The following SP110 variants were observed in gnomAD, a reference collection of about 807,000 sequenced individuals.
SP110 encodes interferon-induced protein 41, 30kD.
A neutral mutation model predicts 92.7 loss-of-function variants in SP110; 62 were observed. That is an observed-to-expected ratio of 0.67 (90% CI 0.55 to 0.83). The LOEUF (loss-of-function observed/expected upper bound fraction) is 0.83, where lower values mean the gene tolerates loss of function less well. SP110 is among the 40% of genes least tolerant of loss of function. The pLI is 0.00. For missense variants in SP110, 793 were observed against 863.9 expected (o/e 0.92, Z 1.03); for synonymous variants, 273 against 305.3 (o/e 0.89, Z 1.10).
In SP110 at chr2:230,211,928, A is replaced by G. The variant is rs1214148368; in HGVS notation, c.668-375T>C. On this transcript the variant is annotated intron_variant, in intron 5 of 18. Coordinates refer to ENST00000258381, the MANE Select transcript of SP110 (RefSeq NM_080424.4). The surrounding 1 kb of genome is among the most constrained non-coding windows in gnomAD (Gnocchi z 4.2). ...TTTAATGTAATCAAACTCCATTATGATGATGGTTTGGGGAGGACAAGTGAT... is the reference window on the plus strand; with the variant it reads ...TTTAATGTAATCAAACTCCATTATGGTGATGGTTTGGGGAGGACAAGTGAT... Among the ~76,000 whole-genome samples the G allele has an allele frequency of 6.6e-6, 1 of 152,216 alleles. No individual in the cohort carries two copies. Among genetic ancestry groups the G allele is most frequent in the Non-Finnish European group, 1.5e-5 (1 of 68,038 alleles).
At chr2:230,202,973 G>C in intron 8 of SP110, 2 of 541,028 alleles carry the variant, frequency 3.7e-6, no homozygotes, top group African/African-American at 1.9e-5. Flanking sequence ...CAATCAACTA[G>C]ATAAAGCTGG....
intron 10 of SP110, among the ~76,000 whole-genome samples, chr2:230,199,226 TG>T (rs1330431723): frequency 2.8e-4 from 41 of 144,824 alleles, no homozygotes; most frequent in African/African-American, 1.0e-3. Context: ...TTTTTTTTTT[TG>T]AGACAGAGTC....
intron 7 of SP110, among the ~76,000 whole-genome samples, 176 bp downstream of exon 7, chr2:230,209,755 T>C (rs1302167221): frequency 6.6e-6 from 1 of 152,196 alleles, no homozygotes; most frequent in Non-Finnish European, 1.5e-5. Context: ...GGTTTCCTGA[T>C]AATTTTCATA....
chr2:230,218,903 A>T (rs1040991543), intron 1 of SP110, among the ~76,000 whole-genome samples: 1 of 151,812 alleles, frequency 6.6e-6, no homozygotes, highest in East Asian at 1.9e-4. Context: ...AATGAATAAT[A>T]CGATAAGCAT....
At position 230,166,976 on chromosome 2, in the gene SP110, T is replaced by G. The variant is rs2078319634; in HGVS notation, c.*2148A>C. The G allele has an allele frequency of 6.6e-6, 1 of 152,196 alleles. No homozygotes were observed. Among genetic ancestry groups the G allele is most frequent in the Admixed American group, 6.5e-5 (1 of 15,282 alleles). The allele number at this position is 152,196 out of a possible 1,614,324, so 9.4% of individuals were successfully genotyped here. ...TAGTAGTTGTTCAGTCCCTGTTTCA[T>G]CACTGACTGTTGGCAGCAGGGAAGA... On this transcript the variant is annotated 3_prime_UTR_variant, in exon 19 of 19. Transcript: ENST00000258381.
At chr2:230,195,080 C>T (rs114511244) in intron 10 of SP110, among the ~76,000 whole-genome samples, 2,203 of 151,678 alleles carry the variant, frequency 0.015, 42 homozygotes, top group Middle Eastern at 0.024. Flanking sequence ...TCTTTTTGAA[C>T]TTGGCCATAT....
chr2:230,202,583 T>TGATCTCGACTTTCGGGCACATTCA lies in SP110; in HGVS notation c.1020_1043dup (p.Cys342_Glu349dup), dbSNP rs769621341. The TGATCTCGACTTTCGGGCACATTCA allele has an allele frequency of 1.1e-4, 179 of 1,614,078 alleles. No homozygotes were observed. Among genetic ancestry groups the TGATCTCGACTTTCGGGCACATTCA allele is most frequent in the Non-Finnish European group, 1.5e-4 (175 of 1,180,026 alleles). ...AGATTCCATCATCAGCCTTACCCTC[T>TGATCTCGACTTTCGGGCACATTCA]GATCTCGACTTTCGGGCACATTCAG... On this transcript the variant is annotated inframe_insertion, in exon 9 of 19. Transcript: ENST00000258381.
chr2:230,212,679 C>T, intron 4 of SP110, 82 bp downstream of exon 4: 1 of 1,551,816 alleles, frequency 6.4e-7, no homozygotes. Context: ...CAATAAAAGT[C>T]AAGATGCTGG....
At chr2:230,181,042 C>A (rs10168057) in intron 12 of SP110, among the ~76,000 whole-genome samples, 3,625 of 152,202 alleles carry the variant, frequency 0.024, 155 homozygotes, top group African/African-American at 0.082. Flanking sequence ...AAGTAATGTA[C>A]ACATTTATAT....
intron 10 of SP110, among the ~76,000 whole-genome samples, chr2:230,192,433 A>G (rs1050417726): frequency 1.3e-5 from 2 of 152,240 alleles, no homozygotes; most frequent in Admixed American, 6.5e-5. Context: ...CAACTTCAAC[A>G]AAGTCTCAGG....
intron 1 of SP110, among the ~76,000 whole-genome samples, chr2:230,218,173 G>A (rs1347956239): frequency 6.6e-6 from 1 of 152,198 alleles, no homozygotes; most frequent in Non-Finnish European, 1.5e-5. Flanking sequence ...CAACTTGACA[G>A]TTTTTAACAA....
rs1179471164 is a variant in SP110 at position 230,167,952 on chromosome 2, G to A, written c.*1172C>T. On this transcript the variant is annotated 3_prime_UTR_variant, in exon 19 of 19. Transcript: ENST00000258381. ...AACAACTCAGGAGGCAAATTGAGGA[G>A]TTTCTCACTAAAAGTGGGGAACTTG... 6.6e-6 allele frequency: 1 copy of A among 151,898 alleles called. No individual in the cohort carries two copies. The highest frequency in any genetic ancestry group is 1.9e-4 in the East Asian group (1 of 5,188). The allele number at this position is 151,898 out of a possible 1,614,324, so 9.4% of individuals were successfully genotyped here.
intron 7 of SP110, 89 bp downstream of exon 7, chr2:230,209,842 G>A: frequency 1.2e-6 from 1 of 817,688 alleles, no homozygotes. Context: ...TGGTCACATA[G>A]TGGTGCTCTT....
chr2:230,221,849 TAAAGTC>T (rs923730131), upstream of SP110: 107 of 925,828 alleles, frequency 1.2e-4, 1 homozygote, highest in Middle Eastern at 1.5e-3. Flanking sequence ...AGTGGGAAAA[TAAAGTC>T]AATGTCAAAT....
intron 14 of SP110, among the ~76,000 whole-genome samples, chr2:230,174,716 G>A (rs1301716275): frequency 2.0e-5 from 3 of 152,254 alleles, no homozygotes; most frequent in Non-Finnish European, 4.4e-5. Context: ...GAGGCAGCAC[G>A]CTGCAGGGCA....
chr2:230,202,681 C>A lies in SP110; in HGVS notation c.946G>T (p.Asp316Tyr). The A allele has an allele frequency of 6.2e-7, 1 of 1,614,120 alleles. No homozygotes were observed. Among genetic ancestry groups the A allele is most frequent in the Non-Finnish European group, 8.5e-7 (1 of 1,179,986 alleles). The change falls in exon 9 of 19, where the codon GAT (aspartate) becomes TAT (tyrosine). Residue 316 changes from aspartate to tyrosine, a missense_variant. By Grantham distance (160) the Asp-to-Tyr change is radical. Coordinates refer to ENST00000258381, the MANE Select transcript of SP110 (RefSeq NM_080424.4). The stretch of plus-strand genomic sequence containing the variant: ...TCATCTTTCTTTTGAGGAACCTGAT[C>A]CACCCTTTTGAGCTTCTTTTGGATT... Reference protein sequence around the residue: ...HGIQKKLKRVDQVPQKKDDST... With the variant: ...HGIQKKLKRVYQVPQKKDDST...
At chr2:230,221,854 T>G (rs2045847501), upstream of SP110, 7 of 894,766 alleles carry the variant, frequency 7.8e-6, no homozygotes, top group Non-Finnish European at 1.2e-5. Flanking sequence ...GAAAATAAAG[T>G]CAATGTCAAA....
intron 10 of SP110, among the ~76,000 whole-genome samples, chr2:230,191,000 G>A (rs941810551): frequency 1.1e-4 from 16 of 152,122 alleles, no homozygotes; most frequent in East Asian, 5.8e-4. Flanking sequence ...GATGCATCCC[G>A]TTTTATCCTT....
At position 230,216,892 on chromosome 2, in the gene SP110, AAG is replaced by A; in HGVS notation, c.34_35del (p.Leu12PhefsTer23). The A allele has an allele frequency of 6.2e-7, 1 of 1,614,054 alleles. No homozygotes were observed. The highest frequency in any genetic ancestry group is 8.5e-7 in the Non-Finnish European group (1 of 1,179,998). ...GCTTCTGGTGCATGAAGTGCTGAAA[AAG>A]AGCCTCTTCCATGGCTCTTGTCATG... is the stretch of plus-strand genomic sequence containing the variant. ...FTMTRAMEEA[L>X]FQHFMHQKLG... On this transcript the variant is annotated frameshift_variant, in exon 2 of 19. Coordinates refer to ENST00000258381, the MANE Select transcript of SP110 (RefSeq NM_080424.4). LOFTEE classifies it high-confidence loss of function.
Sources: allele counts gnomAD v4.1 joint callset (sites outside exome capture counted in the v4.1 genomes callset), GRCh38; gene constraint gnomAD v4.1.1; non-coding constraint Gnocchi (gnomAD v3.1); transcripts MANE v1.5; gene names NCBI Gene and HGNC (gene_info 2026-07-23, HGNC 2026-07-21).